Variants in PRKD3 observed in about 807,000 individuals in gnomAD.
PRKD3 encodes the protein serine/threonine-protein kinase D3.
PRKD3 carries 47 observed loss-of-function variants against 99.2 expected under a neutral mutation model. The observed-to-expected ratio is 0.47, with a 90% CI of 0.38 to 0.60. PRKD3 has a LOEUF of 0.60. PRKD3 is among the 20% of genes least tolerant of loss of function. The probability of loss-of-function intolerance (pLI) is 0.00; values close to 1 mark genes in which losing one functional copy is unlikely to be tolerated. For synonymous variants in PRKD3, 392 were observed against 355.4 expected, an observed-to-expected ratio of 1.10 and a Z score of -1.16; for missense variants, 1,019 against 1,088.4, an observed-to-expected ratio of 0.94 and a Z score of 0.90.
intron 14 of PRKD3, among the ~76,000 whole-genome samples, chr2:37,260,888 A>T (rs1033711769): frequency 5.9e-5 from 9 of 152,188 alleles, no homozygotes; most frequent in African/African-American, 2.2e-4. Flanking sequence ...TACCCACATT[A>T]TCATGTTTCT....
At position 37,267,415 on chromosome 2, in the gene PRKD3, A is replaced by AT. The variant is rs763328719; in HGVS notation, c.1884+14dup. 219 of 1,504,674 alleles carry AT rather than the reference A, an allele frequency of 1.5e-4. No individual in the cohort carries two copies. Among genetic ancestry groups the AT allele is most frequent in the Non-Finnish European group, 1.9e-4 (214 of 1,105,264 alleles). The allele number at this position is 1,504,674 out of a possible 1,614,324, so 93.2% of individuals were successfully genotyped here. ...AGCCTCTTTAATAAACCAGTTTTTTATTTTTTATTTTTACCTGTAAAATAG... is the reference window on the plus strand; with the variant it reads ...AGCCTCTTTAATAAACCAGTTTTTTATTTTTTTATTTTTACCTGTAAAATAG... On this transcript the variant is annotated intron_variant, in intron 14 of 18. Transcript: ENST00000234179.
intron 14 of PRKD3, among the ~76,000 whole-genome samples, chr2:37,263,405 T>G (rs1254301775): frequency 2.0e-5 from 3 of 152,224 alleles, no homozygotes; most frequent in Admixed American, 1.3e-4. Flanking sequence ...TTCTTTGTTT[T>G]TAGGGTACAG....
At chr2:37,271,385 T>C (rs1194820076) in intron 12 of PRKD3, among the ~76,000 whole-genome samples, 1 of 152,210 alleles carries the variant, frequency 6.6e-6, no homozygotes, top group Non-Finnish European at 1.5e-5. Flanking sequence ...TGAAATTCAA[T>C]TTCAGGGTCC....
At chr2:37,266,594 C>T (rs1165620252) in intron 14 of PRKD3, among the ~76,000 whole-genome samples, 1 of 151,740 alleles carries the variant, frequency 6.6e-6, no homozygotes, top group Non-Finnish European at 1.5e-5. Context: ...TCAAGCGATT[C>T]TCCTGCCTCA....
chr2:37,287,000 G>A (rs1016068044), intron 5 of PRKD3, among the ~76,000 whole-genome samples: 5 of 151,924 alleles, frequency 3.3e-5, no homozygotes, highest in African/African-American at 1.2e-4. Context: ...GGAGGCCGAG[G>A]TGGGCGGATC....
At position 37,286,312 on chromosome 2, in the gene PRKD3, AGATTGGGC is replaced by A; in HGVS notation, c.767_774del (p.Arg256LeufsTer45). On this transcript the variant is annotated frameshift_variant, in exon 6 of 19. Coordinates refer to ENST00000234179, the MANE Select transcript of PRKD3 (RefSeq NM_005813.6). LOFTEE classifies it high-confidence loss of function. ...CTGCACATTACCATCTTTTCCATCCAGATTGGGCGACCACTCCAAGAAGGAATTCTCTT... is the reference window on the plus strand; with the variant it reads ...CTGCACATTACCATCTTTTCCATCCAGACCACTCCAAGAAGGAATTCTCTT... The A allele has an allele frequency of 1.9e-6, 3 of 1,614,140 alleles. No individual in the cohort carries two copies. Among genetic ancestry groups the A allele is most frequent in the South Asian group, 1.1e-5 (1 of 91,082 alleles).
chr2:37,288,244 A>G (rs1572668939), intron 5 of PRKD3, among the ~76,000 whole-genome samples: 1 of 152,188 alleles, frequency 6.6e-6, no homozygotes, highest in South Asian at 2.1e-4. Context: ...AGTTCAGTGT[A>G]TAAGATGCAC....
intron 14 of PRKD3, among the ~76,000 whole-genome samples, chr2:37,263,959 C>G (rs1056280956): frequency 2.0e-5 from 3 of 152,176 alleles, no homozygotes; most frequent in Non-Finnish European, 4.4e-5. Flanking sequence ...AAATTTCCCT[C>G]TAGGTTTTTG....
chr2:37,279,690 G>C (rs1255181559), intron 8 of PRKD3, 56 bp downstream of exon 8: 2 of 1,377,476 alleles, frequency 1.5e-6, no homozygotes, highest in East Asian at 2.6e-5. Flanking sequence ...TTTTCTTAAT[G>C]AGATCCTGAA....
chr2:37,275,620 G>T (rs1489729402), intron 10 of PRKD3, 147 bp downstream of exon 10: 2 of 801,066 alleles, frequency 2.5e-6, no homozygotes, highest in East Asian at 7.4e-5. Flanking sequence ...ATGGGAAATA[G>T]TTGCTTCAAC....
rs148059560 is a variant in PRKD3 at position 37,295,760 on chromosome 2, T to C, written c.289-2489A>G. ...CATAAATACCAGTGATTTATATCAC[T>C]AATGTATACCTAAAAGGGAGACGAG... On this transcript the variant is annotated intron_variant, in intron 2 of 18. Coordinates refer to ENST00000234179, the MANE Select transcript of PRKD3 (RefSeq NM_005813.6). Among the ~76,000 whole-genome samples, 81 of 152,316 alleles carry C rather than the reference T, an allele frequency of 5.3e-4. No homozygotes were observed. The East Asian group carries it at 0.013, about 25-fold the overall frequency.
chr2:37,284,839 C>A (rs916623788), intron 6 of PRKD3, among the ~76,000 whole-genome samples: 2 of 151,948 alleles, frequency 1.3e-5, no homozygotes, highest in Admixed American at 1.3e-4. Context: ...ATGTGCACAA[C>A]GTGCAGGTTA....
chr2:37,259,435 A>C, intron 16 of PRKD3, 148 bp downstream of exon 16: 1 of 531,214 alleles, frequency 1.9e-6, no homozygotes, highest in South Asian at 3.3e-5. Flanking sequence ...TTTAGTTATT[A>C]ATCCTCACTG....
intron 6 of PRKD3, among the ~76,000 whole-genome samples, chr2:37,285,811 T>C (rs1182354959): frequency 1.3e-5 from 2 of 152,140 alleles, no homozygotes; most frequent in African/African-American, 4.8e-5. Flanking sequence ...TAAAATGAAA[T>C]ATGACTCCTA....
intron 1 of PRKD3, among the ~76,000 whole-genome samples, chr2:37,323,868 G>C (rs552097051): frequency 6.6e-6 from 1 of 152,276 alleles, no homozygotes; most frequent in South Asian, 2.1e-4. Context: ...GGGTGTGATT[G>C]AAGACACAGT....
chr2:37,313,444 A>G (rs1671531828), intron 2 of PRKD3, among the ~76,000 whole-genome samples: 1 of 152,194 alleles, frequency 6.6e-6, no homozygotes, highest in African/African-American at 2.4e-5. Context: ...AACAGAAGGG[A>G]CAAATAGAAA....
At chr2:37,296,101 G>C (rs1403785567) in intron 2 of PRKD3, among the ~76,000 whole-genome samples, 1 of 151,208 alleles carries the variant, frequency 6.6e-6, no homozygotes, top group African/African-American at 2.4e-5. Flanking sequence ...CAAGTAAATG[G>C]AAAGAGACAA....
At chr2:37,312,359 A>G (rs912373469) in intron 2 of PRKD3, among the ~76,000 whole-genome samples, 2 of 152,224 alleles carry the variant, frequency 1.3e-5, no homozygotes, top group African/African-American at 2.4e-5. Context: ...CTTATTTCCA[A>G]TAGTAGGCTG....
intron 7 of PRKD3, among the ~76,000 whole-genome samples, chr2:37,280,602 T>C (rs376406299): frequency 6.6e-6 from 1 of 152,138 alleles, no homozygotes; most frequent in African/African-American, 2.4e-5. Flanking sequence ...ATAAATCATA[T>C]ATAAAAATTA....
Sources: allele counts gnomAD v4.1 joint callset (sites outside exome capture counted in the v4.1 genomes callset), GRCh38; gene constraint gnomAD v4.1.1; transcripts MANE v1.5; gene names NCBI Gene and HGNC (gene_info 2026-07-23, HGNC 2026-07-21).